The following FAT3 variants were observed in gnomAD, a reference collection of about 807,000 sequenced individuals.
FAT3 encodes protocadherin Fat 3.
A neutral mutation model predicts 310.2 loss-of-function variants in FAT3; 95 were observed. The ratio of observed to expected loss-of-function variants is 0.31; its 90% CI spans 0.26 to 0.36. The LOEUF (loss-of-function observed/expected upper bound fraction) is 0.36. FAT3 is among the 10% of genes least tolerant of loss of function. The pLI is 1.00. For synonymous variants in FAT3, 2,314 were observed against 2,192.9 expected, an observed-to-expected ratio of 1.06 and a Z score of -1.54; for missense variants, 5,408 against 5,715.6, an observed-to-expected ratio of 0.95 and a Z score of 1.74.
intron 2 of FAT3, among the ~76,000 whole-genome samples, chr11:92,479,011 T>G (rs1952141665): frequency 6.8e-6 from 1 of 146,596 alleles, no homozygotes; most frequent in Non-Finnish European, 1.5e-5. Context: ...TGTTTTTTGT[T>G]TTTTTTTAGA....
intron 3 of FAT3, among the ~76,000 whole-genome samples, chr11:92,636,676 T>A (rs1941778260): frequency 6.6e-6 from 1 of 152,094 alleles, no homozygotes; most frequent in African/African-American, 2.4e-5. Flanking sequence ...AGTAGCACAG[T>A]TTGGAATTTA....
Position 92,801,184 on chromosome 11 carries a change from G to A in FAT3, c.8171G>A (p.Gly2724Glu). The change falls in exon 10 of 28, where the codon GGG becomes GAG. Residue 2724 changes from glycine to glutamate, a missense_variant. This residue lies in a region of FAT3 where 4,588 missense variants were observed against 4,809.8 expected (regional missense o/e 0.95). Coordinates refer to ENST00000525166, the MANE Select transcript of FAT3 (RefSeq NM_001367949.2). ...ACCATTGCAGAAGATACAGCCATTG[G>A]GAGTACAGTGGACACCCTGAGGATT... is the stretch of plus-strand genomic sequence containing the variant. ...SFTIAEDTAI[G>E]STVDTLRILP... is the part of the protein sequence containing the mutation. 6.2e-7 allele frequency: 1 copy of A among 1,613,858 alleles called. No homozygotes were observed. Among genetic ancestry groups the A allele is most frequent in the Non-Finnish European group, 8.5e-7 (1 of 1,179,852 alleles).
chr11:92,835,830 T>C (rs1003824246), intron 15 of FAT3, among the ~76,000 whole-genome samples: 1 of 152,174 alleles, frequency 6.6e-6, no homozygotes, highest in African/African-American at 2.4e-5. Flanking sequence ...GGGAACTCTG[T>C]CTAACAGTAA....
At chr11:92,300,343 T>G (rs1286852013) in intron 1 of FAT3, among the ~76,000 whole-genome samples, 2 of 152,118 alleles carry the variant, frequency 1.3e-5, no homozygotes, top group Non-Finnish European at 2.9e-5. Flanking sequence ...TGTGAGAGTT[T>G]GGGTGTGCAT....
Position 92,716,511 on chromosome 11 carries a change from T to C in FAT3, c.3669+19066T>C, listed in dbSNP as rs564689949. 1.4e-4 allele frequency among the ~76,000 whole-genome samples: 22 copies of C among 152,308 alleles called. No homozygotes were observed. In the South Asian group the frequency reaches 3.3e-3, roughly 23 times the overall value. ...TGGAAAAAAATATACAAAAATTATC[T>C]TTTTACTTTTACAGAAAATTTGCAT... On this transcript the variant is annotated intron_variant, in intron 4 of 27. Transcript: ENST00000525166.
chr11:92,390,690 G>T (rs2134810512), intron 2 of FAT3, among the ~76,000 whole-genome samples: 1 of 152,250 alleles, frequency 6.6e-6, no homozygotes, highest in Admixed American at 6.5e-5. Flanking sequence ...GTCTGAGTGA[G>T]AATGACTATT....
At chr11:92,471,915 C>CTATATATATATATATATATA (rs140886151) in intron 2 of FAT3, among the ~76,000 whole-genome samples, 2 of 124,940 alleles carry the variant, frequency 1.6e-5, no homozygotes, top group East Asian at 2.5e-4. Flanking sequence ...TTTTCATATG[C>CTATATATATATATATATATA]TATATATATA....
intron 3 of FAT3, among the ~76,000 whole-genome samples, chr11:92,593,458 A>G (rs1317424309): frequency 6.7e-6 from 1 of 149,694 alleles, no homozygotes; most frequent in Non-Finnish European, 1.5e-5. Flanking sequence ...TTTTTTTAAT[A>G]TTAGCCATCC....
chr11:92,354,336 G>C lies in FAT3; in HGVS notation c.2224G>C (p.Gly742Arg), dbSNP rs1029283971. The C allele has an allele frequency of 1.9e-6, 3 of 1,613,678 alleles. No homozygotes were observed. Among genetic ancestry groups the C allele is most frequent in the African/African-American group, 1.3e-5 (1 of 74,916 alleles). ...GGCTGTAAAGGAGGATCTGCCAGTT[G>C]GTGCTAACATTCTGAAGATTAAAGC... ...DVAVKEDLPV[G>R]ANILKIKAYD... The change falls in exon 2 of 28, where the codon GGT becomes CGT. Residue 742 changes from glycine (G) to arginine (R), a missense_variant. Transcript: ENST00000525166.
intron 2 of FAT3, among the ~76,000 whole-genome samples, chr11:92,360,047 A>G (rs1948839972): frequency 1.3e-5 from 2 of 152,058 alleles, no homozygotes; most frequent in South Asian, 2.1e-4. Context: ...TCCCTGAGGA[A>G]TCGCTACACT....
chr11:92,347,595 G>C (rs754974836), intron 1 of FAT3, among the ~76,000 whole-genome samples: 1 of 152,100 alleles, frequency 6.6e-6, no homozygotes, highest in Non-Finnish European at 1.5e-5. Flanking sequence ...TGTGATTGCT[G>C]TTCCCTGCCC....
At chr11:92,261,957 T>C (rs1865573593) in intron 1 of FAT3, among the ~76,000 whole-genome samples, 1 of 152,090 alleles carries the variant, frequency 6.6e-6, no homozygotes, top group Admixed American at 6.6e-5. Context: ...CTTATTTCTA[T>C]GTTGTTTCTC....
At chr11:92,742,565 T>G (rs1461086787) in intron 4 of FAT3, among the ~76,000 whole-genome samples, 2 of 152,204 alleles carry the variant, frequency 1.3e-5, no homozygotes, top group African/African-American at 4.8e-5. Context: ...GGTGATTAGG[T>G]TAGAGGGCTG....
intron 2 of FAT3, among the ~76,000 whole-genome samples, chr11:92,516,419 C>T (rs1296758988): frequency 6.6e-6 from 1 of 152,072 alleles, no homozygotes; most frequent in East Asian, 1.9e-4. Flanking sequence ...GCAGAAAAGG[C>T]CTTCAATAAA....
intron 1 of FAT3, among the ~76,000 whole-genome samples, chr11:92,241,931 C>G (rs1198372891): frequency 6.6e-6 from 1 of 151,980 alleles, no homozygotes; most frequent in Non-Finnish European, 1.5e-5. Context: ...ACAAAGCTGT[C>G]AAGACACTGA....
At chr11:92,428,651 A>G (rs1470746180) in intron 2 of FAT3, among the ~76,000 whole-genome samples, 1 of 152,174 alleles carries the variant, frequency 6.6e-6, no homozygotes, top group African/African-American at 2.4e-5. Context: ...CTCAGTAGTC[A>G]TTCAGCAGCA....
At chr11:92,517,657 A>G (rs1591391620) in intron 2 of FAT3, among the ~76,000 whole-genome samples, 1 of 152,350 alleles carries the variant, frequency 6.6e-6, no homozygotes, top group East Asian at 1.9e-4. Flanking sequence ...TCTGCACAGC[A>G]AAAGAAACTG....
intron 23 of FAT3, 68 bp from the exon 24 acceptor site, chr11:92,882,670 C>T (rs2136406564): frequency 7.5e-7 from 1 of 1,329,146 alleles, no homozygotes; most frequent in Non-Finnish European, 9.9e-7. Context: ...TGTGTTTTCT[C>T]GAGTTCCCGT....
intron 2 of FAT3, among the ~76,000 whole-genome samples, chr11:92,431,763 C>T (rs918159585): frequency 6.6e-6 from 1 of 152,138 alleles, no homozygotes; most frequent in African/African-American, 2.4e-5. Context: ...GGAATCCTTT[C>T]CCCATTGCTT....
Sources: gnomAD v4.1 joint callset for allele counts (sites outside exome capture counted in the v4.1 genomes callset) on GRCh38, gnomAD v4.1.1 for gene constraint, gnomAD v4.1.1 regional missense constraint, MANE v1.5 for transcripts, NCBI Gene and HGNC (gene_info 2026-07-23, HGNC 2026-07-21) for gene names.